ZNF729: variants seen among roughly 807,000 people sequenced by gnomAD.
ZNF729 encodes the protein zinc finger protein 729.
ZNF729 carries 15 observed loss-of-function variants against 12.2 expected under a neutral mutation model. That is an observed-to-expected ratio of 1.23 (90% CI 0.82 to 1.89). The LOEUF (loss-of-function observed/expected upper bound fraction) is 1.89. Ranked by LOEUF, ZNF729 falls within the 40% of genes most tolerant of loss-of-function variation. The probability of loss-of-function intolerance (pLI) is 0.00; values close to 1 mark genes in which losing one functional copy is unlikely to be tolerated. For synonymous variants in ZNF729, 492 were observed against 476.3 expected (o/e 1.03, Z -0.43); for missense variants, 1,540 against 1,456.7 (o/e 1.06, Z -0.93).
intron 1 of ZNF729, among the ~76,000 whole-genome samples, chr19:22,292,814 A>G (rs1968172805): frequency 6.6e-6 from 1 of 152,218 alleles, no homozygotes; most frequent in African/African-American, 2.4e-5. Context: ...TATTGTGAAT[A>G]GTGCCGCAAT....
At chr19:22,286,609 G>C in intron 1 of ZNF729, 54 bp downstream of exon 1, 2 of 1,611,320 alleles carry the variant, frequency 1.2e-6, no homozygotes, top group East Asian at 2.2e-5. Flanking sequence ...ATTGGAACCG[G>C]TGGGAAGTGG....
rs767425056 is a variant in ZNF729, at chr19:22,316,584, C to G, written c.3167C>G (p.Ala1056Gly). ...KPYKCEECGKAFKWSSKLTEH... is the reference protein window; with the variant it reads ...KPYKCEECGKGFKWSSKLTEH... ...TACAAATGTGAAGAATGTGGTAAAG[C>G]TTTTAAGTGGTCCTCAAAACTTACT... The change falls in exon 4 of 4, where the codon GCT becomes GGT. Residue 1056 changes from alanine (A) to glycine (G), a missense_variant. Ala to Gly is a moderately conservative substitution (Grantham distance 60). Transcript: ENST00000601693. The G allele has an allele frequency of 2.5e-5, 40 of 1,613,300 alleles. No homozygotes were observed. The highest frequency in any genetic ancestry group is 3.3e-5 in the Non-Finnish European group (39 of 1,179,756).
chr19:22,315,966 A>T lies in ZNF729; in HGVS notation c.2549A>T (p.Lys850Ile). The change falls in exon 4 of 4, where the codon AAA becomes ATA. Residue 850 changes from lysine to isoleucine, a missense_variant. Physicochemically the swap from Lys to Ile is moderately radical, Grantham distance 102 (BLOSUM62 -3). Coordinates refer to ENST00000601693, the MANE Select transcript of ZNF729 (RefSeq NM_001242680.2). ...CATAAGGTAATTCATACTGGAAAGAAACCCTACAAATGTGAAGAATGTGGC... is the reference window on the plus strand; with the variant it reads ...CATAAGGTAATTCATACTGGAAAGATACCCTACAAATGTGAAGAATGTGGC... ...RKHKVIHTGK[K>I]PYKCEECGKA... 1.2e-6 allele frequency: 2 copies of T among 1,611,212 alleles called. No homozygotes were observed. The highest frequency in any genetic ancestry group is 1.7e-6 in the Non-Finnish European group (2 of 1,179,756).
At chr19:22,297,395 T>C (rs1968242436) in intron 1 of ZNF729, among the ~76,000 whole-genome samples, 1 of 151,878 alleles carries the variant, frequency 6.6e-6, no homozygotes, top group African/African-American at 2.4e-5. Flanking sequence ...AATTTAAGAA[T>C]ATATCAAAAG....
In ZNF729 at chr19:22,313,677, G is replaced by T; in HGVS notation, c.260G>T (p.Arg87Leu). 6.8e-7 allele frequency: 1 copy of T among 1,476,978 alleles called. No individual in the cohort carries two copies. Among genetic ancestry groups the T allele is most frequent in the Non-Finnish European group, 8.9e-7 (1 of 1,119,598 alleles). 91.5% of individuals were successfully genotyped at this position (1,476,978 alleles called of 1,614,324 possible). ...HEMVTKPPVM[R>L]SHFTQDLWPD... ...TTATTTTTATTTCTTCTAGTTATGC[G>T]TTCTCATTTTACACAAGACCTTTGG... Residue 87 changes from arginine (R) to leucine (L), a missense_variant, in exon 4 of 4, where the codon CGT becomes CTT. Coordinates refer to ENST00000601693, the MANE Select transcript of ZNF729 (RefSeq NM_001242680.2).
At chr19:22,311,477 A>G (rs1299466882) in intron 3 of ZNF729, among the ~76,000 whole-genome samples, 1 of 152,014 alleles carries the variant, frequency 6.6e-6, no homozygotes, top group Admixed American at 6.6e-5. Context: ...CAGGTTTTTT[A>G]ATTTACATGT....
At chr19:22,307,090 A>G (rs975649371) in intron 3 of ZNF729, among the ~76,000 whole-genome samples, 1 of 151,838 alleles carries the variant, frequency 6.6e-6, no homozygotes, top group Non-Finnish European at 1.5e-5. Flanking sequence ...CTGTATAATT[A>G]TATTTAATAG....
rs757870477 is a variant in ZNF729, at chr19:22,315,991, C to T, written c.2574C>T (p.Gly858=). Residue 858 remains glycine (G), a synonymous_variant, in exon 4 of 4, where the codon GGC becomes GGT. Transcript: ENST00000601693. ...GKKPYKCEEC[G]KAFSQSSSLR... ...AACCCTACAAATGTGAAGAATGTGG[C>T]AAAGCTTTTAGCCAATCCTCATCCC... 15 of 1,610,546 alleles carry T rather than the reference C, an allele frequency of 9.3e-6. No individual in the cohort carries two copies. The highest frequency in any genetic ancestry group is 1.2e-5 in the Non-Finnish European group (14 of 1,179,682).
Position 22,316,983 on chromosome 19 carries a change from A to C in ZNF729, c.3566A>C (p.Lys1189Thr). The C allele has an allele frequency of 6.2e-7, 1 of 1,612,756 alleles. No individual in the cohort carries two copies. The highest frequency in any genetic ancestry group is 1.3e-5 in the African/African-American group (1 of 75,046). The change falls in exon 4 of 4, where the codon AAA (lysine) becomes ACA (threonine). Residue 1189 changes from lysine (K) to threonine (T), a missense_variant. Lys to Thr is a moderately conservative substitution (Grantham distance 78, BLOSUM62 -1). Coordinates refer to ENST00000601693, the MANE Select transcript of ZNF729 (RefSeq NM_001242680.2). ...ATTCATACTGGAGAGAAACCCTACA[A>C]ATGTGAAGAATGTGGCAAAGCTTTT... ...KTIHTGEKPY[K>T]CEECGKAFIQ...
chr19:22,306,471 T>G (rs2145052397), intron 3 of ZNF729, among the ~76,000 whole-genome samples: 1 of 150,102 alleles, frequency 6.7e-6, no homozygotes, highest in South Asian at 2.1e-4. Context: ...GAAATAAAGT[T>G]ACATACCAGT....
In ZNF729 at chr19:22,316,271, A is replaced by C. The variant is rs762335722; in HGVS notation, c.2854A>C (p.Met952Leu). Residue 952 changes from methionine (M) to leucine (L), a missense_variant, in exon 4 of 4, where the codon ATG (methionine) becomes CTG (leucine). Transcript: ENST00000601693. ...AGCTTTTAATGATTCCTCAACCCTT[A>C]TGAAGCATAAGATAATTCATACTGG... ...GKAFNDSSTL[M>L]KHKIIHTGKK... 6.2e-7 allele frequency: 1 copy of C among 1,613,766 alleles called. No individual in the cohort carries two copies. The highest frequency in any genetic ancestry group is 8.5e-7 in the Non-Finnish European group (1 of 1,179,758).
At chr19:22,287,312 G>A (rs1056805566) in intron 1 of ZNF729, among the ~76,000 whole-genome samples, 1 of 150,778 alleles carries the variant, frequency 6.6e-6, no homozygotes, top group African/African-American at 2.4e-5. Context: ...TGTTGCCCAG[G>A]CTGGAGTGCA....
chr19:22,301,845 A>C (rs1968310130), intron 1 of ZNF729, among the ~76,000 whole-genome samples: 1 of 152,310 alleles, frequency 6.6e-6, no homozygotes, highest in Non-Finnish European at 1.5e-5. Flanking sequence ...GAGTATTGTT[A>C]TTTCTCTTAC....
In ZNF729 at chr19:22,315,286, T is replaced by C. The variant is rs1245874879; in HGVS notation, c.1869T>C (p.Thr623=). Residue 623 remains threonine, a synonymous_variant, in exon 4 of 4, where the codon ACT becomes ACC. Coordinates refer to ENST00000601693, the MANE Select transcript of ZNF729 (RefSeq NM_001242680.2). The part of the protein sequence containing the change: ...SILAKHKIIH[T]GKKPYKCEEC... Reference sequence around the variant, plus strand: ...TTGCTAAACATAAGATAATTCATACTGGGAAGAAACCGTACAAATGTGAAG... The same window carrying C: ...TTGCTAAACATAAGATAATTCATACCGGGAAGAAACCGTACAAATGTGAAG... The C allele has an allele frequency of 7.4e-6, 12 of 1,613,098 alleles. No individual in the cohort carries two copies. The highest frequency in any genetic ancestry group is 1.3e-5 in the African/African-American group (1 of 74,866).
At chr19:22,312,166 GTTAT>G (rs1487748705) in intron 3 of ZNF729, among the ~76,000 whole-genome samples, 1 of 151,658 alleles carries the variant, frequency 6.6e-6, no homozygotes, top group East Asian at 1.9e-4. Flanking sequence ...CTCATTCAGT[GTTAT>G]TTAATTTATT....
chr19:22,305,174 T>G (rs868553971), intron 3 of ZNF729, among the ~76,000 whole-genome samples: 2 of 152,180 alleles, frequency 1.3e-5, no homozygotes, highest in African/African-American at 4.8e-5. Context: ...GTGTGATATG[T>G]CCAGTTCCTT....
intron 1 of ZNF729, among the ~76,000 whole-genome samples, chr19:22,296,490 G>A (rs557743675): frequency 6.6e-6 from 1 of 151,654 alleles, no homozygotes; most frequent in Admixed American, 6.6e-5. Flanking sequence ...GTCATTAACT[G>A]TTTATTTGAA....
rs781281948 is a variant in ZNF729 at position 22,314,745 on chromosome 19, G to T, written c.1328G>T (p.Ser443Ile). 5 of 1,600,844 alleles carry T rather than the reference G, an allele frequency of 3.1e-6. No homozygotes were observed. The highest frequency in any genetic ancestry group is 3.4e-6 in the Non-Finnish European group (4 of 1,175,762). The change falls in exon 4 of 4, where the codon AGT becomes ATT. Residue 443 changes from serine to isoleucine, a missense_variant. Transcript: ENST00000601693. ...GAAGAATGTGGCAAAGCTTTTAACA[G>T]TTCCTCAACCCTTATGAAACATAAG... The part of the protein sequence containing the change: ...KCEECGKAFN[S>I]SSTLMKHKII...
At chr19:22,307,488 AATCCC>A (rs1968394229) in intron 3 of ZNF729, among the ~76,000 whole-genome samples, 1 of 151,636 alleles carries the variant, frequency 6.6e-6, no homozygotes, top group Non-Finnish European at 1.5e-5. Context: ...TTATGCCTGT[AATCCC>A]AGCACTTCGG....
Sources: allele counts gnomAD v4.1 joint callset (sites outside exome capture counted in the v4.1 genomes callset), GRCh38; gene constraint gnomAD v4.1.1; transcripts MANE v1.5; gene names NCBI Gene and HGNC (gene_info 2026-07-23, HGNC 2026-07-21).